The following NFS1 variants were observed in gnomAD, a reference collection of about 807,000 sequenced individuals.
The protein encoded by NFS1 is NFS1 cysteine desulfurase, also known as cysteine desulfurase.
In NFS1, 26 loss-of-function variants were observed where a neutral mutation model predicts 57.3. The observed-to-expected ratio is 0.45, with a 90% CI of 0.33 to 0.63. The LOEUF is 0.63. Among genes scored for constraint, NFS1 ranks in the 20% least tolerant of loss-of-function variants. The pLI, the probability that NFS1 is intolerant of heterozygous loss-of-function variation, is 0.02. For missense variants in NFS1, 505 were observed against 605.8 expected (o/e 0.83, Z 1.75); for synonymous variants, 209 against 216.3 (o/e 0.97, Z 0.30).
chr20:35,680,683 T>C (rs2034832940), intron 7 of NFS1, 54 bp downstream of exon 7: 1 of 1,397,412 alleles, frequency 7.2e-7, no homozygotes, highest in Non-Finnish European at 9.4e-7. Context: ...CAAACATCTA[T>C]CAAAGGTCTT....
intron 9 of NFS1, 24 bp from the exon 10 acceptor site, chr20:35,674,455 A>T: frequency 1.2e-6 from 2 of 1,612,356 alleles, no homozygotes; most frequent in Non-Finnish European, 1.7e-6. Context: ...ATACTGTGAG[A>T]GAGGTCTCAG....
At chr20:35,679,055 G>A (rs930107408) in intron 7 of NFS1, among the ~76,000 whole-genome samples, 3 of 152,146 alleles carry the variant, frequency 2.0e-5, no homozygotes, top group African/African-American at 4.8e-5. Context: ...TCTGGACTTG[G>A]AAAGCAGGAG....
intron 2 of NFS1, 72 bp from the exon 3 acceptor site, chr20:35,697,872 T>G: frequency 1.0e-6 from 1 of 977,304 alleles, no homozygotes; most frequent in Non-Finnish European, 1.6e-6. Flanking sequence ...CCCTCAGACC[T>G]GGCCACCCTG....
At position 35,699,323 on chromosome 20, in the gene NFS1, T is replaced by G. The variant is rs1353283470; in HGVS notation, c.-35A>C. On this transcript the variant is annotated 5_prime_UTR_variant, in exon 1 of 13. Transcript: ENST00000374092. The surrounding 1 kb of genome is among the most constrained non-coding windows in gnomAD (Gnocchi z 4.4). ...GGCAGAGCCCACCTTCCGAAGCCGC[T>G]GCAGTCCTGGGCCCCAGGCTCCCGG... is the stretch of plus-strand genomic sequence containing the variant. 30 of 1,396,060 alleles carry G rather than the reference T, an allele frequency of 2.1e-5. No homozygotes were observed. In the Admixed American group the frequency reaches 2.7e-4, roughly 13 times the overall value. The allele number at this position is 1,396,060 out of a possible 1,614,324, so 86.5% of individuals were successfully genotyped here.
chr20:35,684,175 A>T (rs983814926), intron 5 of NFS1, among the ~76,000 whole-genome samples: 1 of 152,054 alleles, frequency 6.6e-6, no homozygotes, highest in Non-Finnish European at 1.5e-5. Flanking sequence ...TGGGAGGCCG[A>T]GGCGGGCGGA....
At chr20:35,689,538 G>C (rs2035004799) in intron 5 of NFS1, among the ~76,000 whole-genome samples, 1 of 152,104 alleles carries the variant, frequency 6.6e-6, no homozygotes, top group Non-Finnish European at 1.5e-5. Context: ...GGAGGCCGAA[G>C]TGGGTGGATC....
Position 35,690,545 on chromosome 20 carries a change from C to A in NFS1, c.429G>T (p.Arg143Ser). The change falls in exon 5 of 13, where the codon AGG (arginine) becomes AGT (serine). Residue 143 changes from arginine to serine, a missense_variant. Transcript: ENST00000374092. ...IAIKGVARFYRSRKKHLITTQ... is the reference protein window; with the variant it reads ...IAIKGVARFYSSRKKHLITTQ... ...TGGTGATCAAGTGCTTTTTCCGTGA[C>A]CTGTAGAATCGGGCCACCCCCTAGA... 6.2e-7 allele frequency: 1 copy of A among 1,614,048 alleles called. No homozygotes were observed. Among genetic ancestry groups the A allele is most frequent in the Non-Finnish European group, 8.5e-7 (1 of 1,180,000 alleles).
Position 35,699,176 on chromosome 20 carries a change from C to A in NFS1, c.97+16G>T. The A allele has an allele frequency of 7.2e-7, 1 of 1,391,250 alleles. No homozygotes were observed. Among genetic ancestry groups the A allele is most frequent in the Non-Finnish European group, 9.2e-7 (1 of 1,082,380 alleles). 86.2% of individuals were successfully genotyped at this position (1,391,250 alleles called of 1,614,324 possible). On this transcript the variant is annotated intron_variant, in intron 1 of 12. Coordinates refer to ENST00000374092, the MANE Select transcript of NFS1 (RefSeq NM_021100.5). This position sits in a 1 kb window ranked among gnomAD's most constrained non-coding sequence, Gnocchi z 4.4. ...GGACAGGTCCGCGCCTCCCGGAGAG[C>A]GGGACCCGAGCGTACCGCGCAGGCG...
chr20:35,699,285 G>C lies in NFS1; in HGVS notation c.4C>G (p.Leu2Val), dbSNP rs1180053241. 6 of 1,409,414 alleles carry C rather than the reference G, an allele frequency of 4.3e-6. No homozygotes were observed. The highest frequency in any genetic ancestry group is 5.5e-6 in the Non-Finnish European group (6 of 1,090,104). The allele number at this position is 1,409,414 out of a possible 1,614,324, so 87.3% of individuals were successfully genotyped here. A position where few individuals can be genotyped will look rare whatever the true frequency, so the allele number is the denominator to read the frequency against. Residue 2 changes from leucine to valine, a missense_variant, in exon 1 of 13, where the codon CTG becomes GTG. Transcript: ENST00000374092. This position sits in a 1 kb window ranked among gnomAD's most constrained non-coding sequence, Gnocchi z 4.4. MLLRAAWRRAAV... is the reference protein window; with the variant it reads MVLRAAWRRAAV... ...GCCCGCCTCCAAGCGGCTCGGAGCA[G>C]CATGGTCCCGCTGGCAGAGCCCACC...
At chr20:35,693,836 CCTGTAGTCCTACCTACTCAGGAGG>C (rs2035084879) in intron 4 of NFS1, among the ~76,000 whole-genome samples, 1 of 152,044 alleles carries the variant, frequency 6.6e-6, no homozygotes, top group Non-Finnish European at 1.5e-5. Flanking sequence ...GTGGTGGGAG[CCTGTAGTCCTACCTACTCAGGAGG>C]CTGAGGCAGG....
chr20:35,675,566 A>G, intron 7 of NFS1: 1 of 221,384 alleles, frequency 4.5e-6, no homozygotes, highest in Non-Finnish European at 8.9e-6. Flanking sequence ...CATACAATGA[A>G]ATACCAAGCA....
intron 7 of NFS1, among the ~76,000 whole-genome samples, chr20:35,679,658 A>T (rs2034815119): frequency 6.6e-6 from 1 of 152,142 alleles, no homozygotes; most frequent in South Asian, 2.1e-4. Flanking sequence ...AATAACTCAC[A>T]AAAAACACTC....
At chr20:35,674,207 A>G (rs41305795) in intron 10 of NFS1, 143 bp downstream of exon 10, 7 of 722,136 alleles carry the variant, frequency 9.7e-6, no homozygotes, top group Non-Finnish European at 1.7e-5. Context: ...CAGCCAACCA[A>G]AAAAAGAGAG....
At chr20:35,689,139 G>T (rs1006301187) in intron 5 of NFS1, among the ~76,000 whole-genome samples, 16 of 152,190 alleles carry the variant, frequency 1.1e-4, no homozygotes, top group African/African-American at 3.4e-4. Flanking sequence ...CTGGCATCCT[G>T]CACATGTGGC....
intron 2 of NFS1, among the ~76,000 whole-genome samples, chr20:35,698,226 C>G (rs2035174274): frequency 6.6e-6 from 1 of 152,256 alleles, no homozygotes; most frequent in Middle Eastern, 3.2e-3. Context: ...AGTGGCCGTT[C>G]TGCTCATTCC....
At chr20:35,694,411 C>G (rs550368703) in intron 4 of NFS1, among the ~76,000 whole-genome samples, 5 of 152,168 alleles carry the variant, frequency 3.3e-5, no homozygotes, top group African/African-American at 1.2e-4. Context: ...TCCCAAAGTG[C>G]TGGGATTACA....
intron 11 of NFS1, 141 bp from the exon 12 acceptor site, chr20:35,672,985 T>C: frequency 1.6e-6 from 1 of 611,512 alleles, no homozygotes; most frequent in Non-Finnish European, 2.9e-6. Context: ...GCAGAGTTTC[T>C]CAGAACATGG....
intron 3 of NFS1, 82 bp from the exon 4 acceptor site, chr20:35,696,542 A>T: frequency 1.0e-6 from 1 of 977,724 alleles, no homozygotes; most frequent in South Asian, 1.3e-5. Context: ...ACAGCCCTGG[A>T]GCAAGAAGAG....
rs764420057 is a variant in NFS1 at position 35,697,688 on chromosome 20, C to T, written c.320G>A (p.Arg107His). 2 of 1,610,638 alleles carry T rather than the reference C, an allele frequency of 1.2e-6. No homozygotes were observed. The highest frequency in any genetic ancestry group is 1.7e-6 in the Non-Finnish European group (2 of 1,177,848). The change falls in exon 3 of 13, where the codon CGT becomes CAT. Residue 107 changes from arginine to histidine, a missense_variant. Arg to His is a conservative substitution (Grantham distance 29). Coordinates refer to ENST00000374092, the MANE Select transcript of NFS1 (RefSeq NM_021100.5). Reference sequence around the variant, plus strand: ...CCTAGACTCCTGTGTACTAACCTGACGAGCACGTTCCATGGCTGCCTCACT... The same window carrying T: ...CCTAGACTCCTGTGTACTAACCTGATGAGCACGTTCCATGGCTGCCTCACT... ...WESEAAMERARQQVASLIGAD... is the reference protein window; with the variant it reads ...WESEAAMERAHQQVASLIGAD...
Sources: gnomAD v4.1 joint callset for allele counts (sites outside exome capture counted in the v4.1 genomes callset) on GRCh38, gnomAD v4.1.1 for gene constraint, Gnocchi (gnomAD v3.1) non-coding constraint, MANE v1.5 for transcripts, NCBI Gene and HGNC (gene_info 2026-07-23, HGNC 2026-07-21) for gene names.